ARHGAP45: variants seen among roughly 807,000 people sequenced by gnomAD.
ARHGAP45 encodes the protein Rho GTPase activating protein 45.
Under a neutral mutation model 116.1 loss-of-function variants are expected in ARHGAP45, and 56 were observed. That is an observed-to-expected ratio of 0.48 (90% confidence interval 0.39 to 0.60). ARHGAP45 has a LOEUF of 0.60. Ranked by LOEUF, ARHGAP45 falls within the 20% of genes least tolerant of loss-of-function variation. ARHGAP45 has a pLI of 0.00. For synonymous variants in ARHGAP45, 866 were observed against 701.7 expected, an observed-to-expected ratio of 1.23 and a Z score of -3.70; for missense variants, 1,622 against 1,601.0, an observed-to-expected ratio of 1.01 and a Z score of -0.22.
chr19:1,071,254 C>A lies in ARHGAP45; in HGVS notation c.422-1895C>A. 1 of 1,479,558 alleles carries A rather than the reference C, an allele frequency of 6.8e-7. No homozygotes were observed. 91.7% of individuals were successfully genotyped at this position (1,479,558 alleles called of 1,614,324 possible). The stretch of plus-strand genomic sequence containing the variant: ...CCCATCGGTCAGCTGCCAGGCCCCA[C>A]GCGCTCGCGGTCTCCGCGCCCCGAC... On this transcript the variant is annotated intron_variant, in intron 2 of 22. Transcript: ENST00000313093. This position sits in a 1 kb window ranked among gnomAD's most constrained non-coding sequence, Gnocchi z 4.6.
chr19:1,075,513 G>A (rs2043229137), intron 10 of ARHGAP45, among the ~76,000 whole-genome samples: 2 of 152,106 alleles, frequency 1.3e-5, no homozygotes, highest in East Asian at 1.9e-4. Flanking sequence ...CCAAAGTGCT[G>A]AGATTACAGA....
Position 1,068,557 on chromosome 19 carries a change from C to T in ARHGAP45, c.234C>T (p.Pro78=). The change falls in exon 2 of 23, where the codon CCC becomes CCT. Residue 78 remains proline, a synonymous_variant. Coordinates refer to ENST00000313093, the MANE Select transcript of ARHGAP45 (RefSeq NM_012292.5). The surrounding 1 kb of genome is among the most constrained non-coding windows in gnomAD (Gnocchi z 7.5). ...LSRHASAAGF[P]LSGAASWTLG... is the part of the protein sequence containing the mutation. ...GCCACGCCAGCGCGGCTGGCTTCCC[C>T]CTGTCGGGTGCTGCCTCCTGGACAC... 1 of 1,609,764 alleles carries T rather than the reference C, an allele frequency of 6.2e-7. No homozygotes were observed. The highest frequency in any genetic ancestry group is 8.5e-7 in the Non-Finnish European group (1 of 1,178,474).
rs1282494006 is a variant in ARHGAP45 at position 1,083,248 on chromosome 19, C to T, written c.2850C>T (p.Leu950=). The change falls in exon 21 of 23, where the codon CTC becomes CTT. Residue 950 remains leucine (L), a synonymous_variant. Transcript: ENST00000313093. Reference sequence around the variant, plus strand: ...GGCCCACCGAGGCCACCGTGTCCCTCTCCTCCCTGGTGGATTATCCCCATC... The same window carrying T: ...GGCCCACCGAGGCCACCGTGTCCCTTTCCTCCCTGGTGGATTATCCCCATC... The part of the protein sequence containing the change: ...RPRPTEATVS[L]SSLVDYPHQA... 1.2e-6 allele frequency: 2 copies of T among 1,604,928 alleles called. No individual in the cohort carries two copies. Among genetic ancestry groups the T allele is most frequent in the Non-Finnish European group, 8.5e-7 (1 of 1,176,104 alleles).
At chr19:1,083,391 G>T in intron 21 of ARHGAP45, 38 bp downstream of exon 21, 2 of 1,506,856 alleles carry the variant, frequency 1.3e-6, no homozygotes, top group Non-Finnish European at 1.8e-6. Flanking sequence ...GCCACTCGGG[G>T]CTTGGGGAGC....
At chr19:1,085,499 CTT>C (rs1234549909) in intron 22 of ARHGAP45, among the ~76,000 whole-genome samples, 159 bp from the exon 23 acceptor site, 1 of 148,192 alleles carries the variant, frequency 6.7e-6, no homozygotes, top group African/African-American at 2.5e-5. Flanking sequence ...TGTCCCTCCC[CTT>C]GTCTCTCCTC....
At chr19:1,070,072 T>G (rs1280189407) in intron 2 of ARHGAP45, among the ~76,000 whole-genome samples, 3 of 151,932 alleles carry the variant, frequency 2.0e-5, no homozygotes, top group African/African-American at 4.8e-5. Flanking sequence ...CTCGGCTCAT[T>G]GCAACCTTCC....
At position 1,086,353 on chromosome 19, in the gene ARHGAP45, C is replaced by T. The variant is rs12471; in HGVS notation, c.*347C>T. The T allele has an allele frequency of 2.4e-5, 6 of 249,674 alleles. No homozygotes were observed. The highest frequency in any genetic ancestry group is 6.8e-5 in the African/African-American group (3 of 44,346). 15.5% of individuals were successfully genotyped at this position (249,674 alleles called of 1,614,324 possible). A position where few individuals can be genotyped will look rare whatever the true frequency, so the allele number is the denominator to read the frequency against. On this transcript the variant is annotated 3_prime_UTR_variant, in exon 23 of 23. Transcript: ENST00000313093. ...TGCATCCCCCAGGTCATCACGGGGA[C>T]GCAGGAGGCAGGCCCTGCCCTGCCC... is the stretch of plus-strand genomic sequence containing the variant.
chr19:1,067,956 G>T, intron 1 of ARHGAP45, among the ~76,000 whole-genome samples: 1 of 44,150 alleles, frequency 2.3e-5, no homozygotes, highest in East Asian at 5.0e-4. Flanking sequence ...TACAAAGCTG[G>T]GGGGGGGGTC....
rs200035322 is a variant in ARHGAP45 at position 1,085,930 on chromosome 19, C to T, written c.3335C>T (p.Pro1112Leu). Reference sequence around the variant, plus strand: ...CAGTCCAACAACGTGCTGCAGGCCCCACTGCCCCCCATGAGGCTCCGTGGC... The same window carrying T: ...CAGTCCAACAACGTGCTGCAGGCCCTACTGCCCCCCATGAGGCTCCGTGGC... ...TNQSNNVLQA[P>L]LPPMRLRGGR... The change falls in exon 23 of 23, where the codon CCA becomes CTA. Residue 1112 changes from proline (P) to leucine (L), a missense_variant. Transcript: ENST00000313093. The T allele has an allele frequency of 4.3e-6, 7 of 1,612,974 alleles. No individual in the cohort carries two copies. In the East Asian group the frequency reaches 6.7e-5, roughly 15 times the overall value.
chr19:1,073,643 T>C (rs1317064200), intron 4 of ARHGAP45, 31 bp from the exon 5 acceptor site: 20 of 1,610,676 alleles, frequency 1.2e-5, no homozygotes, highest in Non-Finnish European at 1.7e-5. Flanking sequence ...GGCCCGGGTG[T>C]CTCTCGATGG....
intron 19 of ARHGAP45, 54 bp from the exon 20 acceptor site, chr19:1,082,786 A>ACGTG (rs1218116473): frequency 1.4e-6 from 2 of 1,402,534 alleles, no homozygotes; most frequent in Admixed American, 5.8e-5. Context: ...TGGCAGGCAC[A>ACGTG]CGTGGGGGCT....
rs1390727589 is a variant in ARHGAP45 at position 1,080,948 on chromosome 19, C to G, written c.2074C>G (p.Arg692Gly). 26 of 1,609,628 alleles carry G rather than the reference C, an allele frequency of 1.6e-5. No homozygotes were observed. The highest frequency in any genetic ancestry group is 2.2e-5 in the East Asian group (1 of 44,748). The stretch of plus-strand genomic sequence containing the variant: ...GGTGGCCGTGCCCAGTGGACCGTTC[C>G]GCCACGAGGGGCTGTCCAAGGCGGC... ...LPVAVPSGPFRHEGLSKAART... is the reference protein window; with the variant it reads ...LPVAVPSGPFGHEGLSKAART... The change falls in exon 17 of 23, where the codon CGC becomes GGC. Residue 692 changes from arginine (R) to glycine (G), a missense_variant. Around this residue, in one of 3 missense-constraint regions of ARHGAP45, gnomAD observed 1,334 missense variants for 1,263.8 expected, o/e 1.06. Transcript: ENST00000313093.
Position 1,069,238 on chromosome 19 carries a change from G to A in ARHGAP45, c.421+494G>A, listed in dbSNP as rs898722340. On this transcript the variant is annotated intron_variant, in intron 2 of 22. Coordinates refer to ENST00000313093, the MANE Select transcript of ARHGAP45 (RefSeq NM_012292.5). This position sits in a 1 kb window ranked among gnomAD's most constrained non-coding sequence, Gnocchi z 4.1. ...TGGAGAGAGATTCAGGAGGCATGGC[G>A]AGGGGCAGGATGGGGTCATCAGGCG... Among the ~76,000 whole-genome samples, 1 of 152,168 alleles carries A rather than the reference G, an allele frequency of 6.6e-6. No homozygotes were observed. The highest frequency in any genetic ancestry group is 1.5e-5 in the Non-Finnish European group (1 of 68,020).
chr19:1,067,394 C>A lies in ARHGAP45; in HGVS notation c.-12C>A. 6.4e-7 allele frequency: 1 copy of A among 1,560,656 alleles called. No individual in the cohort carries two copies. ...CAGCCCGCCCCCTCGGGCTCCCGGC[C>A]GGGGCCCCATCATGTTCTCCAGGAA... On this transcript the variant is annotated 5_prime_UTR_variant, in exon 1 of 23. Coordinates refer to ENST00000313093, the MANE Select transcript of ARHGAP45 (RefSeq NM_012292.5).
chr19:1,080,500 T>A lies in ARHGAP45; in HGVS notation c.1865T>A (p.Leu622His). 1 of 1,612,888 alleles carries A rather than the reference T, an allele frequency of 6.2e-7. No individual in the cohort carries two copies. Among genetic ancestry groups the A allele is most frequent in the South Asian group, 1.1e-5 (1 of 91,084 alleles). ...RGHQVHKSWPLSISDSDSGLD... is the reference protein window; with the variant it reads ...RGHQVHKSWPHSISDSDSGLD... ...CACCAGGTTCACAAGTCATGGCCGC[T>A]CTCGATCTCAGACTCGGACAGTGGG... Residue 622 changes from leucine to histidine, a missense_variant, in exon 15 of 23, where the codon CTC becomes CAC. Physicochemically the swap from Leu to His is moderately conservative, Grantham distance 99. Coordinates refer to ENST00000313093, the MANE Select transcript of ARHGAP45 (RefSeq NM_012292.5).
upstream of ARHGAP45, among the ~76,000 whole-genome samples, chr19:1,066,859 C>T (rs563115996): frequency 6.6e-6 from 1 of 152,114 alleles, no homozygotes; most frequent in East Asian, 1.9e-4. Flanking sequence ...GAAAAGGGGG[C>T]TGCAGGGGCG....
Position 1,083,066 on chromosome 19 carries a change from G to A in ARHGAP45, c.2744G>A (p.Arg915Lys), listed in dbSNP as rs1313671316. ...SLQYLLRHLR[R>K]IVEVEQDNKM... ...CAGTACCTGCTGCGTCACCTACGCA[G>A]GTGAGTCCCGGCATATGGAGTGGAG... The change falls in exon 20 of 23, where the codon AGG becomes AAG. Residue 915 changes from arginine to lysine, a missense_variant and splice_region_variant. This residue lies in a region of ARHGAP45 where 1,334 missense variants were observed against 1,263.8 expected (regional missense o/e 1.06). Transcript: ENST00000313093. 18 of 1,551,628 alleles carry A rather than the reference G, an allele frequency of 1.2e-5. No individual in the cohort carries two copies. The highest frequency in any genetic ancestry group is 1.6e-5 in the Non-Finnish European group (18 of 1,152,962).
rs1394315782 is a variant in ARHGAP45 at position 1,083,136 on chromosome 19, C to A, written c.2745-7C>A. ...CGCTCAGCACCTGGCCCCTGCCCACCCCGCAGGATCGTGGAGGTGGAGCAG... is the reference window on the plus strand; with the variant it reads ...CGCTCAGCACCTGGCCCCTGCCCACACCGCAGGATCGTGGAGGTGGAGCAG... On this transcript the variant is annotated splice_region_variant and splice_polypyrimidine_tract_variant and intron_variant, in intron 20 of 22. Coordinates refer to ENST00000313093, the MANE Select transcript of ARHGAP45 (RefSeq NM_012292.5). The A allele has an allele frequency of 2.5e-6, 4 of 1,602,686 alleles. No individual in the cohort carries two copies. Among genetic ancestry groups the A allele is most frequent in the Admixed American group, 3.4e-5 (2 of 59,416 alleles).
chr19:1,068,471 C>T lies in ARHGAP45; in HGVS notation c.148C>T (p.Pro50Ser). Residue 50 changes from proline to serine, a missense_variant, in exon 2 of 23, where the codon CCC (proline) becomes TCC (serine). Pro to Ser is a moderately conservative substitution (Grantham distance 74). Transcript: ENST00000313093. This position sits in a 1 kb window ranked among gnomAD's most constrained non-coding sequence, Gnocchi z 7.5. ...AVFPGPSLEP[P>S]AGSSGVKATG... Reference sequence around the variant, plus strand: ...GTTCCCCGGACCAAGCCTGGAGCCGCCCGCTGGGTCCTCCGGCGTCAAGGC... The same window carrying T: ...GTTCCCCGGACCAAGCCTGGAGCCGTCCGCTGGGTCCTCCGGCGTCAAGGC... The T allele has an allele frequency of 6.3e-7, 1 of 1,583,104 alleles. No homozygotes were observed. Among genetic ancestry groups the T allele is most frequent in the Non-Finnish European group, 8.6e-7 (1 of 1,165,226 alleles).
Sources: gnomAD v4.1 joint callset for allele counts (sites outside exome capture counted in the v4.1 genomes callset) on GRCh38, gnomAD v4.1.1 for gene constraint, gnomAD v4.1.1 regional missense constraint, Gnocchi (gnomAD v3.1) non-coding constraint, MANE v1.5 for transcripts, NCBI Gene and HGNC (gene_info 2026-07-23, HGNC 2026-07-21) for gene names.